ASAP1: variants seen among roughly 807,000 people sequenced by gnomAD.
The protein encoded by ASAP1 is arf-GAP with SH3 domain, ANK repeat and PH domain-containing protein 1.
In ASAP1, 43 loss-of-function variants were observed where a neutral mutation model predicts 145.2. That is an observed-to-expected ratio of 0.30 (90% CI 0.23 to 0.38). The LOEUF (loss-of-function observed/expected upper bound fraction) is 0.38, where lower values mean the gene tolerates loss of function less well. ASAP1 is among the 10% of genes least tolerant of loss of function. ASAP1 has a pLI of 1.00. For synonymous variants in ASAP1, 546 were observed against 515.5 expected (o/e 1.06, Z -0.80); for missense variants, 1,018 against 1,355.3 (o/e 0.75, Z 3.91).
chr8:130,215,088 G>A (rs977854679), intron 4 of ASAP1, among the ~76,000 whole-genome samples: 1 of 151,860 alleles, frequency 6.6e-6, no homozygotes, highest in African/African-American at 2.4e-5. Context: ...TTTTAGTAGA[G>A]ACAGGGTTTC....
At chr8:130,086,095 G>A (rs74577711) in intron 25 of ASAP1, among the ~76,000 whole-genome samples, 3,514 of 152,316 alleles carry the variant, frequency 0.023, 70 homozygotes, top group Middle Eastern at 0.054. Context: ...TAAGTTGATC[G>A]CCTTCTCCAC....
intron 3 of ASAP1, among the ~76,000 whole-genome samples, chr8:130,341,894 G>A (rs1012565203): frequency 5.9e-5 from 9 of 152,190 alleles, no homozygotes; most frequent in African/African-American, 2.2e-4. Context: ...TCTTGGCATT[G>A]TTTTCTAAGG....
chr8:130,103,878 G>A (rs2097532850), intron 24 of ASAP1, among the ~76,000 whole-genome samples: 1 of 152,124 alleles, frequency 6.6e-6, no homozygotes, highest in African/African-American at 2.4e-5. Flanking sequence ...TGTTTTTACT[G>A]TATCCCACAG....
At chr8:130,057,453 T>C (rs532128886) in intron 29 of ASAP1, among the ~76,000 whole-genome samples, 1 of 149,620 alleles carries the variant, frequency 6.7e-6, no homozygotes, top group South Asian at 2.3e-4. Context: ...CCCATGGCTG[T>C]TTTTCTTTTT....
intron 5 of ASAP1, among the ~76,000 whole-genome samples, chr8:130,191,391 TACTC>T (rs1815130867): frequency 6.6e-6 from 1 of 152,238 alleles, no homozygotes; most frequent in African/African-American, 2.4e-5. Context: ...GAAATGATTT[TACTC>T]ACACATAAGT....
rs765064792 is a variant in ASAP1, at chr8:130,060,854, G to A, written c.2917C>T (p.Pro973Ser). The change falls in exon 28 of 30, where the codon CCC becomes TCC. Residue 973 changes from proline (P) to serine (S), a missense_variant. Physicochemically the swap from Pro to Ser is moderately conservative, Grantham distance 74. Transcript: ENST00000518721. ...PPKPQLGDLPPKPQLSDLPPK... is the reference protein window; with the variant it reads ...PPKPQLGDLPSKPQLSDLPPK... The stretch of plus-strand genomic sequence containing the variant: ...GGTAAGTCTGAGAGTTGGGGTTTGG[G>A]TGGCAGGTCCCCCAGCTGTGGTTTG... 1 of 1,613,794 alleles carries A rather than the reference G, an allele frequency of 6.2e-7. No individual in the cohort carries two copies.
chr8:130,068,097 A>G (rs561644000), intron 27 of ASAP1, among the ~76,000 whole-genome samples: 76 of 152,352 alleles, frequency 5.0e-4, no homozygotes, highest in African/African-American at 1.7e-3. Flanking sequence ...ATCAGTTACT[A>G]AAGGTAAAAG....
intron 29 of ASAP1, among the ~76,000 whole-genome samples, chr8:130,056,925 G>A (rs1381888763): frequency 1.3e-5 from 2 of 152,186 alleles, no homozygotes; most frequent in South Asian, 2.1e-4. Context: ...CCCTGGCAAC[G>A]TGAAAACCAA....
intron 28 of ASAP1, among the ~76,000 whole-genome samples, chr8:130,058,690 GA>G (rs2097410139): frequency 6.6e-6 from 1 of 152,186 alleles, no homozygotes. Flanking sequence ...ATAGAAAAGT[GA>G]AAATAGAGGT....
At chr8:130,336,945 G>C (rs886721644) in intron 3 of ASAP1, among the ~76,000 whole-genome samples, 5 of 152,180 alleles carry the variant, frequency 3.3e-5, no homozygotes, top group African/African-American at 1.2e-4. Flanking sequence ...GGCAAAAAAT[G>C]TCTTGACCTT....
chr8:130,309,672 AT>A (rs1319868939), intron 3 of ASAP1, among the ~76,000 whole-genome samples: 1 of 152,196 alleles, frequency 6.6e-6, no homozygotes, highest in African/African-American at 2.4e-5. Context: ...CAGTTCTGAT[AT>A]TGAGATGCAT....
intron 2 of ASAP1, chr8:130,361,631 T>C: frequency 7.2e-7 from 1 of 1,394,570 alleles, no homozygotes; most frequent in Non-Finnish European, 9.8e-7. Flanking sequence ...CTCAGACTGG[T>C]CTGCAATTAC....
At chr8:130,212,243 C>T (rs1472548957) in intron 5 of ASAP1, among the ~76,000 whole-genome samples, 3 of 152,220 alleles carry the variant, frequency 2.0e-5, no homozygotes, top group Non-Finnish European at 4.4e-5. Flanking sequence ...TTGGCTCCCT[C>T]ACCAGGAATG....
intron 13 of ASAP1, among the ~76,000 whole-genome samples, chr8:130,140,004 C>T (rs1176932159): frequency 6.7e-6 from 1 of 149,006 alleles, no homozygotes; most frequent in Non-Finnish European, 1.5e-5. Flanking sequence ...GCACTATTTA[C>T]CTCTCATTTC....
At chr8:130,346,731 T>C (rs1230412149) in intron 3 of ASAP1, among the ~76,000 whole-genome samples, 8 of 145,758 alleles carry the variant, frequency 5.5e-5, no homozygotes, top group Admixed American at 5.4e-4. Context: ...AGTTTATTTA[T>C]TGGGAGGCAG....
chr8:130,380,848 G>C (rs1259547912), intron 2 of ASAP1, among the ~76,000 whole-genome samples: 4 of 152,046 alleles, frequency 2.6e-5, no homozygotes, highest in African/African-American at 9.7e-5. Flanking sequence ...TTCCTGAGTA[G>C]CTGGGAGTAC....
Position 130,155,635 on chromosome 8 carries a change from C to A in ASAP1, c.1011-2830G>T, listed in dbSNP as rs527904632. On this transcript the variant is annotated intron_variant, in intron 12 of 29. Transcript: ENST00000518721. ...GTGTTGGGATTACAGGCATGAGCCA[C>A]TGCGCCCAGCCAGCACCTGATCTTT... Among the ~76,000 whole-genome samples the A allele has an allele frequency of 2.5e-4, 38 of 152,352 alleles. 1 individual carries two copies. The East Asian group carries it at 7.1e-3, about 29-fold the overall frequency.
chr8:130,441,884 G>A (rs1487353782), intron 1 of ASAP1, among the ~76,000 whole-genome samples: 1 of 152,182 alleles, frequency 6.6e-6, no homozygotes, highest in Non-Finnish European at 1.5e-5. Flanking sequence ...AGAAACAGGA[G>A]GGCTGAAAAT....
chr8:130,277,357 A>G (rs976530444), intron 3 of ASAP1, among the ~76,000 whole-genome samples: 2 of 152,254 alleles, frequency 1.3e-5, no homozygotes, highest in African/African-American at 4.8e-5. Flanking sequence ...TATAAGCCAT[A>G]CTAGTTCTTC....
Sources: gnomAD v4.1 joint callset for allele counts (sites outside exome capture counted in the v4.1 genomes callset) on GRCh38, gnomAD v4.1.1 for gene constraint, MANE v1.5 for transcripts, NCBI Gene and HGNC (gene_info 2026-07-23, HGNC 2026-07-21) for gene names.